PPP2R3B: variants seen among roughly 807,000 people sequenced by gnomAD.
PPP2R3B encodes serine/threonine-protein phosphatase 2A regulatory subunit B'' subunit beta.
PPP2R3B carries 68 observed loss-of-function variants against 72.9 expected under a neutral mutation model. The ratio of observed to expected loss-of-function variants is 0.93; its 90% CI spans 0.77 to 1.14. The LOEUF (loss-of-function observed/expected upper bound fraction) is 1.14, where lower values mean the gene tolerates loss of function less well. PPP2R3B is among the 50% of genes most tolerant of loss of function. The probability of loss-of-function intolerance (pLI) is 0.00; values close to 1 mark genes in which losing one functional copy is unlikely to be tolerated. For synonymous variants in PPP2R3B, 466 were observed against 375.8 expected, an observed-to-expected ratio of 1.24 and a Z score of -2.78; for missense variants, 1,018 against 842.0, an observed-to-expected ratio of 1.21 and a Z score of -2.59.
intron 1 of PPP2R3B, among the ~76,000 whole-genome samples, chrX:368,135 C>T (rs2071764268): frequency 6.6e-6 from 1 of 151,636 alleles, no homozygotes; most frequent in Non-Finnish European, 1.5e-5. Context: ...CCGGGACCAC[C>T]CACCCTGGGC....
intron 1 of PPP2R3B, chrX:373,815 G>T (rs896033953): frequency 6.6e-6 from 1 of 151,630 alleles, no homozygotes; most frequent in African/African-American, 2.4e-5. Flanking sequence ...CGCGCCGCGC[G>T]CATTCCTCAG....
At chrX:376,018 CCT>C (rs1321492099) in intron 1 of PPP2R3B, among the ~76,000 whole-genome samples, 2 of 152,088 alleles carry the variant, frequency 1.3e-5, no homozygotes, top group East Asian at 3.9e-4. Context: ...ATGGTGAAAC[CCT>C]GTCTCTACTA....
In PPP2R3B at chrX:338,639, C is replaced by A. The variant is rs752567038; in HGVS notation, c.1542G>T (p.Val514=). 1.6e-5 allele frequency: 25 copies of A among 1,611,144 alleles called. No individual in the cohort carries two copies. The East Asian group carries it at 4.0e-4, about 26-fold the overall frequency. The change falls in exon 12 of 13, where the codon GTG becomes GTT. Residue 514 remains valine (V), a synonymous_variant. Transcript: ENST00000390665. ...AGGGCTCTCCCGCAGTCTCCTCGGC[C>A]ACCAGGATGTCGTACTCCTCGGCCG... is the stretch of plus-strand genomic sequence containing the variant. The part of the protein sequence containing the change: ...KYAAEEYDIL[V]AEETAGEPWE...
chrX:370,138 C>T (rs1372419408), intron 1 of PPP2R3B, among the ~76,000 whole-genome samples: 1 of 152,126 alleles, frequency 6.6e-6, no homozygotes, highest in Admixed American at 6.5e-5. Context: ...TCAAAAAGGT[C>T]GGTGTTTACA....
At chrX:353,539 G>C (rs2071372099) in intron 2 of PPP2R3B, among the ~76,000 whole-genome samples, 1 of 152,198 alleles carries the variant, frequency 6.6e-6, no homozygotes, top group African/African-American at 2.4e-5. Flanking sequence ...AATGGCTCCA[G>C]AAAAGTGAAT....
Position 346,250 on chromosome X carries a change from C to A in PPP2R3B, c.803G>T (p.Arg268Leu). The change falls in exon 6 of 13, where the codon CGG (arginine) becomes CTG (leucine). Residue 268 changes from arginine to leucine, a missense_variant. Arg to Leu is a moderately radical substitution (Grantham distance 102, BLOSUM62 -2). Transcript: ENST00000390665. ...GGACCGGTTCACGGCGTAGAAGATC[C>A]GCTGGATGACCTGCGGGGGCGCTGT... ...HSRYITTVIQ[R>L]IFYAVNRSWS... The A allele has an allele frequency of 1.3e-6, 2 of 1,568,524 alleles. No individual in the cohort carries two copies. The highest frequency in any genetic ancestry group is 2.4e-5 in the East Asian group (1 of 41,970).
intron 9 of PPP2R3B, 123 bp downstream of exon 9, chrX:341,184 C>A (rs2071063422): frequency 7.3e-6 from 7 of 957,898 alleles, no homozygotes; most frequent in Non-Finnish European, 1.1e-5. Context: ...ACCGGGCGTG[C>A]ACATGTCCCC....
chrX:373,455 G>GGGGCCGGGAGGGCAGGGCTCGCC (rs1484465925), intron 1 of PPP2R3B: 2 of 152,110 alleles, frequency 1.3e-5, no homozygotes, highest in Admixed American at 6.6e-5. Context: ...GGGCCCACGC[G>GGGGCCGGGAGGGCAGGGCTCGCC]GGGCCGGGAG....
intron 2 of PPP2R3B, 28 bp from the exon 3 acceptor site, chrX:347,721 G>C (rs2071252792): frequency 6.7e-7 from 1 of 1,486,470 alleles, no homozygotes; most frequent in Non-Finnish European, 9.0e-7. Context: ...GGAGTGGGCA[G>C]TCAGCAGGGC....
At chrX:372,499 C>T (rs1035645069) in intron 1 of PPP2R3B, among the ~76,000 whole-genome samples, 2 of 152,206 alleles carry the variant, frequency 1.3e-5, no homozygotes, top group African/African-American at 2.4e-5. Flanking sequence ...AAATTCGGAT[C>T]AGATTCGGCC....
At chrX:351,818 C>A (rs1211295039) in intron 2 of PPP2R3B, among the ~76,000 whole-genome samples, 1 of 152,234 alleles carries the variant, frequency 6.6e-6, no homozygotes, top group Non-Finnish European at 1.5e-5. Context: ...CCACCTTAGC[C>A]TCCCAAGTAG....
chrX:353,992 C>T (rs1486468596), intron 2 of PPP2R3B, among the ~76,000 whole-genome samples: 2 of 145,220 alleles, frequency 1.4e-5, no homozygotes, highest in Admixed American at 1.4e-4. Context: ...GACCAGGGCT[C>T]ATCCAAAGAC....
chrX:336,071 G>A (rs191286914), intron 12 of PPP2R3B: 5 of 152,324 alleles, frequency 3.3e-5, no homozygotes, highest in African/African-American at 9.6e-5. Context: ...GGGGGGCTCA[G>A]GTGCGAGGAT....
intron 2 of PPP2R3B, among the ~76,000 whole-genome samples, chrX:355,253 C>T (rs2738397): frequency 0.2 from 29,860 of 152,118 alleles, 3,443 homozygotes; most frequent in Admixed American, 0.3. Flanking sequence ...AAAAATACCA[C>T]GTACAGTGTC....
chrX:335,686 C>T (rs2070870236), intron 12 of PPP2R3B: 1 of 152,258 alleles, frequency 6.6e-6, no homozygotes, highest in Admixed American at 6.5e-5. Context: ...GGGAGAAACA[C>T]CCGTGGTTCC....
chrX:386,603 C>A lies in PPP2R3B; in HGVS notation c.89G>T (p.Arg30Leu). ...CCGGCGCAGGCAGTCCTGCAGCATCCGCTGCGTGCTGGCCTCGCTGAGCCA... is the reference window on the plus strand; with the variant it reads ...CCGGCGCAGGCAGTCCTGCAGCATCAGCTGCGTGCTGGCCTCGCTGAGCCA... ...LYWLSEASTQRMLQDCLRRIK... is the reference protein window; with the variant it reads ...LYWLSEASTQLMLQDCLRRIK... The change falls in exon 1 of 13, where the codon CGG becomes CTG. Residue 30 changes from arginine to leucine, a missense_variant. By Grantham distance (102) the Arg-to-Leu change is moderately radical. Coordinates refer to ENST00000390665, the MANE Select transcript of PPP2R3B (RefSeq NM_013239.5). 2.1e-6 allele frequency: 3 copies of A among 1,449,136 alleles called. No homozygotes were observed. The highest frequency in any genetic ancestry group is 9.1e-7 in the Non-Finnish European group (1 of 1,101,806). The allele number at this position is 1,449,136 out of a possible 1,614,324, so 89.8% of individuals were successfully genotyped here.
At chrX:373,645 C>A in intron 1 of PPP2R3B, 1 of 275,298 alleles carries the variant, frequency 3.6e-6, no homozygotes, top group Non-Finnish European at 7.7e-6. Context: ...AGCGAGCGCT[C>A]GCGGAGTCGC....
chrX:366,804 A>T (rs113576985), intron 1 of PPP2R3B, among the ~76,000 whole-genome samples: 1 of 100,180 alleles, frequency 1.0e-5, no homozygotes, highest in Non-Finnish European at 2.0e-5. Context: ...CAGAGGTTGC[A>T]GTGAGCTGAG....
In PPP2R3B at chrX:361,596, G is replaced by A. The variant is rs770786940; in HGVS notation, c.325-6C>T. On this transcript the variant is annotated splice_polypyrimidine_tract_variant and splice_region_variant and intron_variant, in intron 1 of 12. Transcript: ENST00000390665. ...TCTTCTTTCCGTGTCTGAACCTGAAGAGTCGACAGACAGCGCTCAGTTAGA... is the reference window on the plus strand; with the variant it reads ...TCTTCTTTCCGTGTCTGAACCTGAAAAGTCGACAGACAGCGCTCAGTTAGA... 2 of 1,613,566 alleles carry A rather than the reference G, an allele frequency of 1.2e-6. No homozygotes were observed. The highest frequency in any genetic ancestry group is 2.2e-5 in the South Asian group (2 of 91,076).
Sources: allele counts gnomAD v4.1 joint callset (sites outside exome capture counted in the v4.1 genomes callset), GRCh38; gene constraint gnomAD v4.1.1; transcripts MANE v1.5; gene names NCBI Gene and HGNC (gene_info 2026-07-23, HGNC 2026-07-21).